AKAP9: variants seen among roughly 807,000 people sequenced by gnomAD.
AKAP9 encodes the protein A-kinase anchor protein 9.
In AKAP9, 311 loss-of-function variants were observed where a neutral mutation model predicts 488.5. The observed-to-expected ratio is 0.64, with a 90% CI of 0.58 to 0.70. AKAP9 has a LOEUF of 0.70. Ranked by LOEUF, AKAP9 falls within the 30% of genes least tolerant of loss-of-function variation. AKAP9 has a pLI of 0.00. For synonymous variants in AKAP9, 1,462 were observed against 1,483.5 expected (o/e 0.99, Z 0.33); for missense variants, 4,215 against 4,374.5 (o/e 0.96, Z 1.03).
chr7:92,054,641 C>G (rs1033392253), intron 22 of AKAP9, among the ~76,000 whole-genome samples: 1 of 151,988 alleles, frequency 6.6e-6, no homozygotes, highest in Admixed American at 6.6e-5. Context: ...ATTTCATAAC[C>G]TGTATTATAG....
intron 1 of AKAP9, among the ~76,000 whole-genome samples, chr7:91,956,256 C>A (rs1173749458): frequency 6.6e-6 from 1 of 151,444 alleles, no homozygotes. Flanking sequence ...AAAAGTTAGC[C>A]GGGTGTGGTG....
At chr7:92,086,495 A>C in intron 37 of AKAP9, 79 bp downstream of exon 37, 2 of 1,213,510 alleles carry the variant, frequency 1.6e-6, no homozygotes, top group Non-Finnish European at 2.4e-6. Flanking sequence ...TAATTTAAGT[A>C]TGAAGGTTAA....
rs141856443 is a variant in AKAP9 at position 92,102,769 on chromosome 7, G to A, written c.11273G>A (p.Arg3758His). 1.6e-3 allele frequency: 2,660 copies of A among 1,614,176 alleles called. 8 individuals are homozygous for A. The highest frequency in any genetic ancestry group is 1.8e-3 in the Non-Finnish European group (2,147 of 1,180,032). Residue 3758 changes from arginine to histidine, a missense_variant, in exon 46 of 50, where the codon CGC (arginine) becomes CAC (histidine). By Grantham distance (29) the Arg-to-His change is conservative. Transcript: ENST00000356239. ...ACGGATCTAGAGGTGATCACCAATC[G>A]CCCAAAGGGCTTCACCAGGTTTCGG... ...AFTDLEVITN[R>H]PKGFTRFRSA...
Position 92,001,193 on chromosome 7 carries a change from A to G in AKAP9, c.1276A>G (p.Thr426Ala), listed in dbSNP as rs199780481. 5 of 1,614,084 alleles carry G rather than the reference A, an allele frequency of 3.1e-6. No homozygotes were observed. In the East Asian group the frequency reaches 8.9e-5, roughly 29 times the overall value. The change falls in exon 8 of 50, where the codon ACA becomes GCA. Residue 426 changes from threonine to alanine, a missense_variant. Around this residue, in one of 5 missense-constraint regions of AKAP9, gnomAD observed 2,361 missense variants for 2,430.0 expected, o/e 0.97. Transcript: ENST00000356239. ...TATAGTACAACGAATGGAACAAGAA[A>G]CACAAAGAAAGTTAGAACAACTCCG... is the stretch of plus-strand genomic sequence containing the variant. Reference protein sequence around the residue: ...TDIVQRMEQETQRKLEQLRAE... With the variant: ...TDIVQRMEQEAQRKLEQLRAE...
At chr7:92,076,508 A>C (rs1584445708) in intron 28 of AKAP9, among the ~76,000 whole-genome samples, 1 of 152,150 alleles carries the variant, frequency 6.6e-6, no homozygotes, top group East Asian at 1.9e-4. Context: ...ATAGCAACTT[A>C]ATGTAACATA....
chr7:91,978,925 T>C (rs922259674), intron 2 of AKAP9, among the ~76,000 whole-genome samples: 1 of 135,334 alleles, frequency 7.4e-6, no homozygotes, highest in Non-Finnish European at 1.6e-5. Context: ...GCCTGGCTAG[T>C]TTTTGTATTT....
intron 2 of AKAP9, 111 bp from the exon 3 acceptor site, chr7:91,980,178 G>A (rs960697995): frequency 1.1e-5 from 6 of 560,136 alleles, no homozygotes; most frequent in South Asian, 9.3e-5. Context: ...GTTTTTTAGT[G>A]GTATTTTATG....
intron 1 of AKAP9, among the ~76,000 whole-genome samples, chr7:91,944,696 A>G (rs1391210329): frequency 1.3e-5 from 2 of 152,104 alleles, no homozygotes; most frequent in African/African-American, 4.8e-5. Context: ...CTCAAATGCC[A>G]TTTTTTAAAA....
rs1457772211 is a variant in AKAP9 at position 92,014,196 on chromosome 7, A to G, written c.3533-53A>G. ...GTTGAAACATAAGTTAAATATGATC[A>G]TAGTTCTTAAGTATGTAAATTGAAT... On this transcript the variant is annotated intron_variant, in intron 9 of 49. Transcript: ENST00000356239. The G allele has an allele frequency of 4.1e-6, 5 of 1,224,080 alleles. No individual in the cohort carries two copies. The African/African-American group carries it at 6.0e-5, about 15-fold the overall frequency. 75.8% of individuals were successfully genotyped at this position (1,224,080 alleles called of 1,614,324 possible).
At chr7:92,063,456 TC>T (rs1810244332) in intron 24 of AKAP9, 1 of 982,344 alleles carries the variant, frequency 1.0e-6, no homozygotes, top group Non-Finnish European at 1.2e-6. Flanking sequence ...TTCTCTATTT[TC>T]CTAGGACTAG....
chr7:91,946,395 CT>C lies in AKAP9; in HGVS notation c.48+5261del, dbSNP rs11443810. ...TTAAAACTAATTCATAACCTTCAGG[CT>C]TTTTTTTTTTTTGAGACGAGATCTC... On this transcript the variant is annotated intron_variant, in intron 1 of 49. Coordinates refer to ENST00000356239, the MANE Select transcript of AKAP9 (RefSeq NM_005751.5). Among the ~76,000 whole-genome samples, 1,107 of 145,360 alleles carry C rather than the reference CT, an allele frequency of 7.6e-3. 7 individuals carry two copies. The highest frequency in any genetic ancestry group is 0.012 in the Non-Finnish European group (769 of 66,360).
chr7:92,106,508 ACAGG>A (rs1211606864), intron 47 of AKAP9, among the ~76,000 whole-genome samples: 3 of 152,232 alleles, frequency 2.0e-5, no homozygotes, highest in Non-Finnish European at 1.5e-5. Context: ...ACGGTTCAAG[ACAGG>A]ATTGCTGTTA....
In AKAP9 at chr7:92,052,962, ACCT is replaced by A. The variant is rs768537611; in HGVS notation, c.5601+8_5601+10del. 1 of 1,603,554 alleles carries A rather than the reference ACCT, an allele frequency of 6.2e-7. No homozygotes were observed. Among genetic ancestry groups the A allele is most frequent in the South Asian group, 1.1e-5 (1 of 90,820 alleles). ...CATAAGTGAAACTAGCAGTCAGGTA[ACCT>A]CCTTATATTGCTAATATGTACTGAG... On this transcript the variant is annotated splice_donor_5th_base_variant and intron_variant, in intron 22 of 49. Coordinates refer to ENST00000356239, the MANE Select transcript of AKAP9 (RefSeq NM_005751.5).
chr7:92,027,090 GGCT>G (rs1247449213), intron 14 of AKAP9, among the ~76,000 whole-genome samples: 24 of 138,808 alleles, frequency 1.7e-4, no homozygotes, highest in Non-Finnish European at 3.1e-4. Flanking sequence ...TTCTCTGCCC[GGCT>G]GCCACCCCAT....
intron 24 of AKAP9, among the ~76,000 whole-genome samples, chr7:92,064,431 C>T (rs1389921830): frequency 6.6e-6 from 1 of 151,944 alleles, no homozygotes; most frequent in Non-Finnish European, 1.5e-5. Flanking sequence ...TAGTGCTTAC[C>T]ATACCTCAGA....
chr7:92,043,656 A>G (rs1387090120), intron 20 of AKAP9, among the ~76,000 whole-genome samples: 1 of 152,162 alleles, frequency 6.6e-6, no homozygotes, highest in Non-Finnish European at 1.5e-5. Context: ...GCTTCCTACT[A>G]AATTAGTTTA....
At chr7:91,991,607 G>C (rs1446366116) in intron 3 of AKAP9, among the ~76,000 whole-genome samples, 1 of 151,984 alleles carries the variant, frequency 6.6e-6, no homozygotes, top group Non-Finnish European at 1.5e-5. Context: ...AAGTAGCTGG[G>C]ACTACAGGCA....
At chr7:92,077,327 G>A (rs1196153417) in intron 29 of AKAP9, among the ~76,000 whole-genome samples, 2 of 151,770 alleles carry the variant, frequency 1.3e-5, no homozygotes, top group African/African-American at 2.4e-5. Flanking sequence ...TCCTGACCTC[G>A]TGATCCGCCT....
Position 91,986,921 on chromosome 7 carries a change from T to C in AKAP9, c.352-5237T>C, listed in dbSNP as rs115899354. 3.2e-3 allele frequency among the ~76,000 whole-genome samples: 481 copies of C among 151,670 alleles called. 5 individuals are homozygous for C. The highest frequency in any genetic ancestry group is 0.011 in the African/African-American group (468 of 41,464). On this transcript the variant is annotated intron_variant, in intron 3 of 49. Coordinates refer to ENST00000356239, the MANE Select transcript of AKAP9 (RefSeq NM_005751.5). ...ATATAGTTACATATATTTATAGTTATATACATGAATAATTATATATGAATA... is the reference window on the plus strand; with the variant it reads ...ATATAGTTACATATATTTATAGTTACATACATGAATAATTATATATGAATA...
Sources: gnomAD v4.1 joint callset for allele counts (sites outside exome capture counted in the v4.1 genomes callset) on GRCh38, gnomAD v4.1.1 for gene constraint, gnomAD v4.1.1 regional missense constraint, MANE v1.5 for transcripts, NCBI Gene and HGNC (gene_info 2026-07-23, HGNC 2026-07-21) for gene names.